Variants in UBR2 observed in about 807,000 individuals in gnomAD.
The protein encoded by UBR2 is E3 ubiquitin-protein ligase UBR2.
In UBR2, 92 loss-of-function variants were observed where a neutral mutation model predicts 247.9. The observed-to-expected ratio is 0.37, with a 90% CI of 0.31 to 0.44. The LOEUF is 0.44. Ranked by LOEUF, UBR2 falls within the 20% of genes least tolerant of loss-of-function variation. The pLI, the probability that UBR2 is intolerant of heterozygous loss-of-function variation, is 1.00. For missense variants in UBR2, 1,613 were observed against 2,112.6 expected (o/e 0.76, Z 4.64); for synonymous variants, 672 against 693.5 (o/e 0.97, Z 0.49).
intron 2 of UBR2, among the ~76,000 whole-genome samples, chr6:42,589,579 T>C (rs1430269775): frequency 6.6e-6 from 1 of 152,240 alleles, no homozygotes; most frequent in African/African-American, 2.4e-5. Context: ...AGAGCTAGTA[T>C]AATTTCTTCC....
At chr6:42,585,056 T>G (rs746713935) in intron 2 of UBR2, among the ~76,000 whole-genome samples, 7 of 152,232 alleles carry the variant, frequency 4.6e-5, no homozygotes, top group Non-Finnish European at 8.8e-5. Flanking sequence ...AGTCTTTCAC[T>G]ATTAAATATG....
At chr6:42,653,327 C>T (rs1234441883) in intron 25 of UBR2, among the ~76,000 whole-genome samples, 1 of 152,164 alleles carries the variant, frequency 6.6e-6, no homozygotes, top group Non-Finnish European at 1.5e-5. Flanking sequence ...AAGCAATCCT[C>T]CCCCCTCGGC....
chr6:42,631,860 T>TTTTATATATATATATA (rs1795734186), intron 11 of UBR2, among the ~76,000 whole-genome samples: 1 of 61,506 alleles, frequency 1.6e-5, no homozygotes, highest in Non-Finnish European at 3.5e-5. Flanking sequence ...TACTCTGATT[T>TTTTATATATATATATA]TATATATATA....
intron 1 of UBR2, among the ~76,000 whole-genome samples, chr6:42,571,738 AAAAAAAAAAAAAAAAAAAGCGCTTAG>A (rs1407497483): frequency 7.5e-5 from 1 of 13,298 alleles, no homozygotes; most frequent in African/African-American, 5.9e-4. Context: ...ACGAGACTCA[AAAAAAAAAAAAAAAAAAAGCGCTTAG>A]GATCATTTGA....
chr6:42,668,427 T>C (rs1464364410), intron 34 of UBR2, among the ~76,000 whole-genome samples: 4 of 152,146 alleles, frequency 2.6e-5, no homozygotes, highest in Non-Finnish European at 5.9e-5. Context: ...CCCATTCTAA[T>C]TCTTGTTCCT....
intron 40 of UBR2, among the ~76,000 whole-genome samples, chr6:42,677,652 G>C (rs922331760): frequency 6.6e-6 from 1 of 152,056 alleles, no homozygotes; most frequent in South Asian, 2.1e-4. Flanking sequence ...GGTAGCATGT[G>C]CCTGTGGTTC....
At chr6:42,607,717 T>G (rs1307562186) in intron 7 of UBR2, among the ~76,000 whole-genome samples, 8 of 146,658 alleles carry the variant, frequency 5.5e-5, no homozygotes, top group Non-Finnish European at 1.0e-4. Context: ...CAGCTGTTTT[T>G]TTTTTTTTTT....
intron 5 of UBR2, among the ~76,000 whole-genome samples, chr6:42,604,806 C>T (rs1197570114): frequency 1.3e-5 from 2 of 152,086 alleles, no homozygotes; most frequent in South Asian, 4.1e-4. Flanking sequence ...GCAGGTAGAT[C>T]ACTTGAGCCC....
chr6:42,568,945 G>T (rs1481934960), intron 1 of UBR2, among the ~76,000 whole-genome samples: 1 of 152,096 alleles, frequency 6.6e-6, no homozygotes, highest in African/African-American at 2.4e-5. Context: ...TTCAGATTTT[G>T]GATCATTTTG....
chr6:42,684,472 T>C (rs1321570300), intron 43 of UBR2, among the ~76,000 whole-genome samples: 1 of 151,172 alleles, frequency 6.6e-6, no homozygotes, highest in African/African-American at 2.4e-5. Flanking sequence ...TAGTCCCAGC[T>C]ACTCGGGAGG....
At chr6:42,685,549 C>G in intron 44 of UBR2, among the ~76,000 whole-genome samples, 1 of 151,092 alleles carries the variant, frequency 6.6e-6, no homozygotes, top group East Asian at 1.9e-4. Context: ...GCTGCAACCT[C>G]CGCCTCCCAG....
At position 42,673,824 on chromosome 6, in the gene UBR2, G is replaced by A. The variant is rs753066780; in HGVS notation, c.4120G>A (p.Ala1374Thr). Residue 1374 changes from alanine to threonine, a missense_variant, in exon 37 of 47, where the codon GCA becomes ACA. Transcript: ENST00000372901. ...DCLRSLTRFA[A>T]AHWTVASVSV... ...TCTTAGGTCATTGACGAGATTTGCC[G>A]CAGCACACTGGACAGTGGCATCAGT... is the stretch of plus-strand genomic sequence containing the variant. 2.2e-5 allele frequency: 36 copies of A among 1,613,766 alleles called. No individual in the cohort carries two copies. Among genetic ancestry groups the A allele is most frequent in the Admixed American group, 1.7e-4 (10 of 59,968 alleles).
rs1305675512 is a variant in UBR2 at position 42,574,008 on chromosome 6, TTTTC to T, written c.338+21_338+24del. Reference sequence around the variant, plus strand: ...TATTCTTGCAGGTAAAATATTTTAATTTTCTTTCTAGGAGGCTCTTGTTTTATTT... The same window carrying T: ...TATTCTTGCAGGTAAAATATTTTAATTTTCTAGGAGGCTCTTGTTTTATTT... On this transcript the variant is annotated intron_variant, in intron 2 of 46. Transcript: ENST00000372901. The T allele has an allele frequency of 3.2e-6, 5 of 1,548,002 alleles. No individual in the cohort carries two copies. Among genetic ancestry groups the T allele is most frequent in the Non-Finnish European group, 4.3e-6 (5 of 1,150,982 alleles).
chr6:42,574,831 G>A (rs983485661), intron 2 of UBR2, among the ~76,000 whole-genome samples: 3 of 152,006 alleles, frequency 2.0e-5, no homozygotes, highest in African/African-American at 7.2e-5. Flanking sequence ...AACTGGCTGG[G>A]ATTACAGGCT....
chr6:42,597,091 T>G (rs1793023444), intron 4 of UBR2, among the ~76,000 whole-genome samples: 3 of 152,214 alleles, frequency 2.0e-5, no homozygotes, highest in Admixed American at 1.3e-4. Flanking sequence ...GTTTTGAATC[T>G]GCCTACATTT....
chr6:42,566,451 C>G (rs1199260504), intron 1 of UBR2, among the ~76,000 whole-genome samples: 1 of 152,206 alleles, frequency 6.6e-6, no homozygotes, highest in Non-Finnish European at 1.5e-5. Context: ...ATGGCGCAAT[C>G]TTGGCTTACT....
chr6:42,582,072 C>T (rs199749395), intron 2 of UBR2, among the ~76,000 whole-genome samples: 11 of 151,742 alleles, frequency 7.2e-5, no homozygotes, highest in Non-Finnish European at 1.2e-4. Context: ...TCACGAGGTC[C>T]GGAGATCGAG....
chr6:42,615,101 G>T lies in UBR2; in HGVS notation c.1016G>T (p.Gly339Val). 6.2e-7 allele frequency: 1 copy of T among 1,613,228 alleles called. No homozygotes were observed. The highest frequency in any genetic ancestry group is 8.5e-7 in the Non-Finnish European group (1 of 1,179,632). ...CTTCGCCGGATTTTATGTCAAGTTG[G>T]TTTACAAGAAGGGCCAGATGGTGAA... ...DGLRRILCQV[G>V]LQEGPDGENS... Residue 339 changes from glycine to valine, a missense_variant, in exon 9 of 47, where the codon GGT becomes GTT. Gly to Val is a moderately radical substitution (Grantham distance 109). Coordinates refer to ENST00000372901, the MANE Select transcript of UBR2 (RefSeq NM_001363705.2).
chr6:42,616,797 G>A (rs758894626), intron 10 of UBR2, among the ~76,000 whole-genome samples: 1 of 152,122 alleles, frequency 6.6e-6, no homozygotes, highest in Admixed American at 6.6e-5. Flanking sequence ...CAAAATACAT[G>A]TGTTGTGTTC....
Sources: allele counts gnomAD v4.1 joint callset (sites outside exome capture counted in the v4.1 genomes callset), GRCh38; gene constraint gnomAD v4.1.1; transcripts MANE v1.5; gene names NCBI Gene and HGNC (gene_info 2026-07-23, HGNC 2026-07-21).